The following SRPX variants were observed in gnomAD, a reference collection of about 807,000 sequenced individuals.
SRPX encodes the protein sushi repeat-containing protein SRPX.
Under a neutral mutation model 38.1 loss-of-function variants are expected in SRPX, and 24 were observed. The ratio of observed to expected loss-of-function variants is 0.63; its 90% CI spans 0.46 to 0.89. SRPX has a LOEUF of 0.89. SRPX is among the 40% of genes least tolerant of loss of function. SRPX has a pLI of 0.00. For missense variants in SRPX, 416 were observed against 377.8 expected (o/e 1.10, Z -0.84); for synonymous variants, 184 against 153.8 (o/e 1.20, Z -1.45).
intron 5 of SRPX, among the ~76,000 whole-genome samples, chrX:38,164,387 C>T (rs1320595963): frequency 8.9e-6 from 1 of 111,973 alleles, no homozygotes; most frequent in Non-Finnish European, 1.9e-5. Flanking sequence ...AAGTGATCCG[C>T]CTGCCTCGTC....
intron 5 of SRPX, among the ~76,000 whole-genome samples, chrX:38,163,796 T>C (rs1938308896): frequency 9.0e-6 from 1 of 111,489 alleles, no homozygotes; most frequent in Admixed American, 9.6e-5. Context: ...TGATCGGGAG[T>C]TTTAAAAATA....
chrX:38,204,185 G>T (rs931527031), intron 1 of SRPX, among the ~76,000 whole-genome samples: 1 of 111,839 alleles, frequency 8.9e-6, no homozygotes, highest in African/African-American at 3.3e-5. Context: ...CAGTAGGTGT[G>T]ACATAATTGC....
At chrX:38,179,519 T>C (rs1196396804) in intron 1 of SRPX, among the ~76,000 whole-genome samples, 1 of 111,662 alleles carries the variant, frequency 9.0e-6, no homozygotes, top group African/African-American at 3.3e-5. Context: ...ACGCATTTAG[T>C]TGTAGTTACT....
chrX:38,180,375 C>T (rs1375705788), intron 1 of SRPX, among the ~76,000 whole-genome samples: 3 of 111,798 alleles, frequency 2.7e-5, no homozygotes, highest in East Asian at 2.8e-4. Context: ...GCCATTTGGA[C>T]ATAAGTATTT....
In SRPX at chrX:38,210,047, A is replaced by C. The variant is rs145409788; in HGVS notation, c.97+10649T>G. On this transcript the variant is annotated intron_variant, in intron 1 of 9. Transcript: ENST00000378533. ...TCACTGAAATCAACAAATGTGAAAC[A>C]CTAGGCTAGTGAGATGTTCGGAGAA... Among the ~76,000 whole-genome samples the C allele has an allele frequency of 1.8e-4, 20 of 112,832 alleles. No individual in the cohort carries two copies. The East Asian group carries it at 4.7e-3, about 27-fold the overall frequency.
At chrX:38,213,034 G>A (rs1939359337) in intron 1 of SRPX, among the ~76,000 whole-genome samples, 1 of 112,656 alleles carries the variant, frequency 8.9e-6, no homozygotes, top group Admixed American at 9.4e-5. Flanking sequence ...AGGTGGCCAG[G>A]CACCATTGGC....
At chrX:38,177,528 G>A (rs754089805) in intron 2 of SRPX, among the ~76,000 whole-genome samples, 34 of 97,619 alleles carry the variant, frequency 3.5e-4, no homozygotes, top group Admixed American at 9.9e-4. Context: ...GCAAAATGCC[G>A]CAGTGAAACT....
intron 1 of SRPX, among the ~76,000 whole-genome samples, chrX:38,216,922 G>A (rs1939430960): frequency 8.9e-6 from 1 of 112,421 alleles, no homozygotes; most frequent in Non-Finnish European, 1.9e-5. Context: ...CCCCAACAGA[G>A]AAGGTTATTG....
chrX:38,151,587 C>T (rs1369053311), intron 9 of SRPX, among the ~76,000 whole-genome samples: 1 of 111,459 alleles, frequency 9.0e-6, no homozygotes, highest in Non-Finnish European at 1.9e-5. Flanking sequence ...CCTTCATTGA[C>T]ACAGAATGTA....
chrX:38,157,732 G>GA (rs920834375), intron 7 of SRPX, among the ~76,000 whole-genome samples: 2 of 112,326 alleles, frequency 1.8e-5, no homozygotes, highest in African/African-American at 6.5e-5. Flanking sequence ...CAGGAAGTGA[G>GA]ACAGTGAAGG....
At chrX:38,202,803 T>C (rs1349807644) in intron 1 of SRPX, among the ~76,000 whole-genome samples, 1 of 112,331 alleles carries the variant, frequency 8.9e-6, no homozygotes, top group Non-Finnish European at 1.9e-5. Context: ...ATAATCTTCC[T>C]AAAAATAAAT....
chrX:38,162,336 C>A (rs1358163913), intron 5 of SRPX, among the ~76,000 whole-genome samples: 3 of 111,458 alleles, frequency 2.7e-5, no homozygotes, highest in Non-Finnish European at 5.7e-5. Context: ...AATGCCAGGG[C>A]AGCAAGGAGC....
chrX:38,154,387 A>G, intron 9 of SRPX, 75 bp downstream of exon 9: 1 of 1,112,917 alleles, frequency 9.0e-7, no homozygotes, highest in Non-Finnish European at 1.2e-6. Context: ...TCCTGAATAG[A>G]AAGAAACCAG....
intron 2 of SRPX, among the ~76,000 whole-genome samples, chrX:38,175,023 G>A (rs992630556): frequency 8.9e-6 from 1 of 112,131 alleles, no homozygotes; most frequent in Non-Finnish European, 1.9e-5. Flanking sequence ...TCCCCAGATG[G>A]CAAAGTTGCA....
At chrX:38,179,378 A>G (rs1207860474) in intron 1 of SRPX, among the ~76,000 whole-genome samples, 6 of 112,606 alleles carry the variant, frequency 5.3e-5, no homozygotes, top group Non-Finnish European at 9.4e-5. Context: ...ATTGAATTCC[A>G]GTGAGCAGTA....
chrX:38,171,067 C>A (rs1938457369), intron 4 of SRPX, among the ~76,000 whole-genome samples: 1 of 111,075 alleles, frequency 9.0e-6, no homozygotes, highest in African/African-American at 3.3e-5. Context: ...ATTATTTGGC[C>A]CCAAATGTCC....
At chrX:38,153,574 AC>A (rs1309613486) in intron 9 of SRPX, among the ~76,000 whole-genome samples, 1 of 111,241 alleles carries the variant, frequency 9.0e-6, no homozygotes, top group African/African-American at 3.3e-5. Flanking sequence ...ATACAGAAAG[AC>A]TGCATTTCCC....
intron 5 of SRPX, 100 bp from the exon 6 acceptor site, chrX:38,161,154 C>T (rs1457374271): frequency 2.1e-6 from 2 of 952,997 alleles, no homozygotes; most frequent in Non-Finnish European, 2.8e-6. Context: ...GACTGAGGGG[C>T]AACCATTAGA....
At chrX:38,212,835 T>A (rs940720204) in intron 1 of SRPX, among the ~76,000 whole-genome samples, 1 of 103,557 alleles carries the variant, frequency 9.7e-6, no homozygotes, top group African/African-American at 3.3e-5. Flanking sequence ...TCTCCAAGTC[T>A]TGAATCCTTG....
Sources: gnomAD v4.1 joint callset for allele counts (sites outside exome capture counted in the v4.1 genomes callset) on GRCh38, gnomAD v4.1.1 for gene constraint, MANE v1.5 for transcripts, NCBI Gene and HGNC (gene_info 2026-07-23, HGNC 2026-07-21) for gene names.